The following FAS variants were observed in gnomAD, a reference collection of about 807,000 sequenced individuals.
FAS encodes Fas cell surface death receptor.
In FAS, 5 loss-of-function variants were observed where a neutral mutation model predicts 33.2. That is an observed-to-expected ratio of 0.15 (90% CI 0.08 to 0.32). FAS has a LOEUF of 0.32. FAS is among the 10% of genes least tolerant of loss of function. The pLI, the probability that FAS is intolerant of heterozygous loss-of-function variation, is 1.00. For synonymous variants in FAS, 131 were observed against 130.7 expected (o/e 1.00, Z -0.01); for missense variants, 339 against 386.0 (o/e 0.88, Z 1.02).
In FAS at chr10:89,016,663, G is replaced by A. The variant is rs9658787; in HGVS notation, c.*2213G>A. On this transcript the variant is annotated 3_prime_UTR_variant, in exon 9 of 9. Transcript: ENST00000652046. ...CATTCCCGAGTTGAGGTGACCCCAC[G>A]GTCCAGAATCATCCTCATTCTGGTG... 319 of 222,940 alleles carry A rather than the reference G, an allele frequency of 1.4e-3. No homozygotes were observed. The highest frequency in any genetic ancestry group is 2.5e-3 in the African/African-American group (110 of 44,826). 13.8% of individuals were successfully genotyped at this position (222,940 alleles called of 1,614,324 possible).
At chr10:88,968,577 A>T (rs145898120) in intron 1 of FAS, among the ~76,000 whole-genome samples, 191 of 152,228 alleles carry the variant, frequency 1.3e-3, no homozygotes, top group South Asian at 2.7e-3. Flanking sequence ...AGGAAGAGAA[A>T]ATTCTGGCTT....
intron 1 of FAS, among the ~76,000 whole-genome samples, chr10:88,998,242 A>C (rs1315949618): frequency 6.6e-6 from 1 of 150,570 alleles, no homozygotes; most frequent in East Asian, 2.0e-4. Context: ...GTGTCTTCAC[A>C]TTATCTTCCT....
intron 2 of FAS, among the ~76,000 whole-genome samples, chr10:89,003,953 T>C (rs1270435821): frequency 1.3e-5 from 2 of 152,178 alleles, no homozygotes; most frequent in Non-Finnish European, 2.9e-5. Context: ...ACAGGATGGG[T>C]CCTGTTTGTG....
At chr10:88,996,170 G>A (rs928734613) in intron 1 of FAS, among the ~76,000 whole-genome samples, 4 of 149,848 alleles carry the variant, frequency 2.7e-5, no homozygotes, top group African/African-American at 1.0e-4. Context: ...AGAGCGAGAG[G>A]AAGTCAGAGT....
At chr10:88,965,548 C>T (rs1846303803) in intron 1 of FAS, among the ~76,000 whole-genome samples, 1 of 152,146 alleles carries the variant, frequency 6.6e-6, no homozygotes. Flanking sequence ...GTGTACTTGC[C>T]TTAGGAGGTC....
At chr10:88,975,681 G>T (rs1846546651) in intron 2 of FAS, among the ~76,000 whole-genome samples, 1 of 151,970 alleles carries the variant, frequency 6.6e-6, no homozygotes, top group Non-Finnish European at 1.5e-5. Flanking sequence ...GCGCCTCCAG[G>T]TCATAAAACA....
intron 2 of FAS, 79 bp from the exon 3 acceptor site, chr10:89,007,621 T>C: frequency 1.9e-6 from 3 of 1,563,614 alleles, no homozygotes; most frequent in South Asian, 1.1e-5. Flanking sequence ...AGTTTTATTG[T>C]CTGTCATCCC....
At position 89,004,744 on chromosome 10, in the gene FAS, C is replaced by T. The variant is rs9658738; in HGVS notation, c.196+1550C>T. On this transcript the variant is annotated intron_variant, in intron 2 of 8. Transcript: ENST00000652046. ...TATAATCCTCAATTATATAAACCTT[C>T]TTAAGTAATTTCCAACTGATCTGGC... Among the ~76,000 whole-genome samples the T allele has an allele frequency of 2.5e-3, 375 of 152,194 alleles. 1 individual carries two copies. Among genetic ancestry groups the T allele is most frequent in the African/African-American group, 8.2e-3 (341 of 41,514 alleles).
At chr10:88,965,375 T>C (rs993251850) in intron 1 of FAS, among the ~76,000 whole-genome samples, 2 of 152,186 alleles carry the variant, frequency 1.3e-5, no homozygotes, top group Non-Finnish European at 2.9e-5. Context: ...ATCTCAGACG[T>C]TGTTAGTTTC....
intron 2 of FAS, 52 bp downstream of exon 2, chr10:89,003,246 A>C (rs1442433011): frequency 6.3e-7 from 1 of 1,595,280 alleles, no homozygotes; most frequent in Admixed American, 1.7e-5. Flanking sequence ...AGTTAGGAGT[A>C]GCACATAGTA....
intron 2 of FAS, 135 bp from the exon 3 acceptor site, chr10:89,007,565 A>T: frequency 3.9e-6 from 4 of 1,019,858 alleles, no homozygotes; most frequent in Non-Finnish European, 5.8e-6. Context: ...CCCCCATTGT[A>T]TTTATATCTC....
At position 89,013,664 on chromosome 10, in the gene FAS, G is replaced by C. The variant is rs9658770; in HGVS notation, c.676+297G>C. 0.041 allele frequency among the ~76,000 whole-genome samples: 6,169 copies of C among 152,226 alleles called. 213 individuals carry two copies. The highest frequency in any genetic ancestry group is 0.12 in the Admixed American group (1,773 of 15,286). Reference sequence around the variant, plus strand: ...AACTCCTGCCTAAAAAGATCTAGAGGTTAAAGTGTACTGTAGACTCAGGTA... The same window carrying C: ...AACTCCTGCCTAAAAAGATCTAGAGCTTAAAGTGTACTGTAGACTCAGGTA... On this transcript the variant is annotated intron_variant, in intron 8 of 8. Coordinates refer to ENST00000652046, the MANE Select transcript of FAS (RefSeq NM_000043.6).
intron 1 of FAS, among the ~76,000 whole-genome samples, chr10:88,969,967 C>A (rs943783058): frequency 3.3e-5 from 5 of 152,150 alleles, no homozygotes; most frequent in Non-Finnish European, 5.9e-5. Context: ...ATGCCTCTAA[C>A]TCTTCATAAA....
chr10:88,991,063 T>G (rs1188788965), intron 1 of FAS, 157 bp downstream of exon 1: 1 of 918,418 alleles, frequency 1.1e-6, no homozygotes, highest in Non-Finnish European at 1.7e-6. Context: ...GGAGACTGGC[T>G]CCCGGGGGCT....
intron 1 of FAS, among the ~76,000 whole-genome samples, chr10:88,994,383 G>A (rs1017518537): frequency 6.6e-6 from 1 of 152,116 alleles, no homozygotes; most frequent in Non-Finnish European, 1.5e-5. Flanking sequence ...CACATGTTTT[G>A]TAATAGGTAC....
In FAS at chr10:89,014,353, G is replaced by T. The variant is rs1008894006; in HGVS notation, c.911G>T (p.Cys304Phe). The change falls in exon 9 of 9, where the codon TGT becomes TTT. Residue 304 changes from cysteine to phenylalanine, a missense_variant. Around this residue, in one of 3 missense-constraint regions of FAS, gnomAD observed 52 missense variants for 52.7 expected, o/e 0.99. Coordinates refer to ENST00000652046, the MANE Select transcript of FAS (RefSeq NM_000043.6). ...AAAGATCTCAAAAAAGCCAATCTTT[G>T]TACTCTTGCAGAGAAAATTCAGACT... ...LIKDLKKANLCTLAEKIQTII... is the reference protein window; with the variant it reads ...LIKDLKKANLFTLAEKIQTII... 1.2e-6 allele frequency: 2 copies of T among 1,613,680 alleles called. No homozygotes were observed. The highest frequency in any genetic ancestry group is 1.7e-6 in the Non-Finnish European group (2 of 1,179,926).
At chr10:88,997,351 A>T (rs1030203313) in intron 1 of FAS, among the ~76,000 whole-genome samples, 1 of 152,240 alleles carries the variant, frequency 6.6e-6, no homozygotes, top group Admixed American at 6.5e-5. Flanking sequence ...ATGTAATTTC[A>T]GATGGAATTT....
At chr10:88,968,383 T>A (rs1462760720) in intron 1 of FAS, among the ~76,000 whole-genome samples, 5 of 152,198 alleles carry the variant, frequency 3.3e-5, no homozygotes, top group African/African-American at 1.2e-4. Flanking sequence ...TTGATCATCT[T>A]GGGTTTAAAA....
chr10:89,001,119 A>C (rs9658722), intron 1 of FAS, among the ~76,000 whole-genome samples: 1 of 152,278 alleles, frequency 6.6e-6, no homozygotes, highest in South Asian at 2.1e-4. Context: ...ATGACTCTAA[A>C]GCTTGCTTTT....
Sources: gnomAD v4.1 joint callset for allele counts (sites outside exome capture counted in the v4.1 genomes callset) on GRCh38, gnomAD v4.1.1 for gene constraint, gnomAD v4.1.1 regional missense constraint, MANE v1.5 for transcripts, NCBI Gene and HGNC (gene_info 2026-07-23, HGNC 2026-07-21) for gene names.